Variants in MMP26 observed in about 807,000 individuals in gnomAD.
MMP26 encodes the protein matrix metallopeptidase 26, also known as matrix metalloproteinase-26.
A neutral mutation model predicts 31.0 loss-of-function variants in MMP26; 33 were observed. The observed-to-expected ratio is 1.06, with a 90% CI of 0.81 to 1.42. The LOEUF (loss-of-function observed/expected upper bound fraction) is 1.42. Among genes scored for constraint, MMP26 ranks in the 40% most tolerant of loss-of-function variants. The probability of loss-of-function intolerance (pLI) is 0.00; values close to 1 mark genes in which losing one functional copy is unlikely to be tolerated. For synonymous variants in MMP26, 122 were observed against 114.9 expected, an observed-to-expected ratio of 1.06 and a Z score of -0.40; for missense variants, 347 against 316.1, an observed-to-expected ratio of 1.10 and a Z score of -0.74.
chr11:4,835,174 C>G (rs1445061710), intron 2 of MMP26, among the ~76,000 whole-genome samples: 1 of 147,700 alleles, frequency 6.8e-6, no homozygotes, highest in Non-Finnish European at 1.5e-5. Flanking sequence ...ATCTCCCTCC[C>G]CCCTCTCTCT....
chr11:4,743,059 G>A (rs1848335298), intron 1 of MMP26, among the ~76,000 whole-genome samples: 1 of 151,992 alleles, frequency 6.6e-6, no homozygotes, highest in African/African-American at 2.4e-5. Flanking sequence ...CTATGGTGGT[G>A]AAAATTAGTG....
chr11:4,842,246 CAA>C (rs1398099741), intron 2 of MMP26, among the ~76,000 whole-genome samples: 33 of 152,186 alleles, frequency 2.2e-4, no homozygotes, highest in South Asian at 1.0e-3. Context: ...CTTGTTTAGG[CAA>C]AGAGTGTTAA....
At chr11:4,706,901 G>T (rs916701817) in intron 1 of MMP26, among the ~76,000 whole-genome samples, 5 of 152,152 alleles carry the variant, frequency 3.3e-5, no homozygotes, top group Non-Finnish European at 7.4e-5. Context: ...TGTAGCATGT[G>T]TCAGAATATT....
chr11:4,799,405 C>T (rs973796257), intron 2 of MMP26, among the ~76,000 whole-genome samples: 1 of 151,948 alleles, frequency 6.6e-6, no homozygotes, highest in East Asian at 1.9e-4. Context: ...AAGAAGCTCT[C>T]ACATGAACTA....
chr11:4,851,646 T>C (rs1849977171), intron 2 of MMP26, among the ~76,000 whole-genome samples: 1 of 151,930 alleles, frequency 6.6e-6, no homozygotes, highest in Admixed American at 6.6e-5. Flanking sequence ...TGTCTGTATA[T>C]GTATGTATAT....
chr11:4,804,066 GA>G, intron 2 of MMP26: 10 of 1,614,088 alleles, frequency 6.2e-6, no homozygotes, highest in Non-Finnish European at 5.1e-6. Context: ...CATGGATGAA[GA>G]ACACCTGGAT....
intron 2 of MMP26, among the ~76,000 whole-genome samples, chr11:4,892,392 A>G (rs1850638220): frequency 6.6e-6 from 1 of 152,142 alleles, no homozygotes; most frequent in African/African-American, 2.4e-5. Flanking sequence ...AATCACTCCA[A>G]GCAGAGTCCA....
At chr11:4,814,276 C>G (rs1455010487) in intron 2 of MMP26, among the ~76,000 whole-genome samples, 1 of 152,124 alleles carries the variant, frequency 6.6e-6, no homozygotes, top group East Asian at 1.9e-4. Flanking sequence ...GTTTATACAT[C>G]CACCAAAAAC....
At chr11:4,851,769 G>A (rs1009301240) in intron 2 of MMP26, among the ~76,000 whole-genome samples, 9 of 151,894 alleles carry the variant, frequency 5.9e-5, no homozygotes, top group Non-Finnish European at 1.2e-4. Context: ...ATATAGTAAT[G>A]TGCATATTGT....
At chr11:4,836,940 C>T (rs959850939) in intron 2 of MMP26, among the ~76,000 whole-genome samples, 2 of 151,664 alleles carry the variant, frequency 1.3e-5, no homozygotes, top group Admixed American at 6.6e-5. Context: ...CGTGAGCCAC[C>T]GCGCCTGGCC....
intron 2 of MMP26, among the ~76,000 whole-genome samples, chr11:4,816,615 C>A (rs79336464): frequency 0.12 from 14,876 of 127,140 alleles, 894 homozygotes; most frequent in Middle Eastern, 0.21. Context: ...TGGTCCAAAA[C>A]AAAAAAAAAT....
chr11:4,963,995 A>G (rs1846556369), intron 2 of MMP26, among the ~76,000 whole-genome samples: 1 of 152,014 alleles, frequency 6.6e-6, no homozygotes, highest in African/African-American at 2.4e-5. Context: ...AAGTTCCCAT[A>G]GACGCTGGAT....
Position 4,755,252 on chromosome 11 carries a change from A to G in MMP26, c.-216-12018A>G, listed in dbSNP as rs192594921. 1.9e-4 allele frequency among the ~76,000 whole-genome samples: 29 copies of G among 152,142 alleles called. 1 individual carries two copies. The East Asian group carries it at 5.6e-3, about 29-fold the overall frequency. ...AATAAAGAAAAAAGAAAAAAAACAC[A>G]AGCAGCACTGATACTAAAACTGATG... On this transcript the variant is annotated intron_variant, in intron 1 of 7. Coordinates refer to ENST00000380390, the MANE Select transcript of MMP26 (RefSeq NM_021801.5).
intron 2 of MMP26, among the ~76,000 whole-genome samples, chr11:4,910,887 C>T (rs897559152): frequency 6.6e-6 from 1 of 152,074 alleles, no homozygotes; most frequent in Non-Finnish European, 1.5e-5. Context: ...TCCCTGAGGA[C>T]AGAGTCCTAA....
chr11:4,882,802 C>A (rs746459093), intron 2 of MMP26: 47 of 1,613,730 alleles, frequency 2.9e-5, no homozygotes, highest in Middle Eastern at 3.3e-4. Flanking sequence ...CCAAGACAAT[C>A]CGCCAGGCTA....
rs938235301 is a variant in MMP26 at position 4,776,364 on chromosome 11, C to A, written c.-145+9023C>A. On this transcript the variant is annotated intron_variant, in intron 2 of 7. Coordinates refer to ENST00000380390, the MANE Select transcript of MMP26 (RefSeq NM_021801.5). ...GTTCTATGTTTAGTTCTTTAAGAAA[C>A]CTTCATACCGTTTTCCATAGAGATT... is the stretch of plus-strand genomic sequence containing the variant. 1.4e-4 allele frequency among the ~76,000 whole-genome samples: 21 copies of A among 151,878 alleles called. 1 individual carries two copies. Among genetic ancestry groups the A allele is most frequent in the African/African-American group, 4.4e-4 (18 of 41,356 alleles).
intron 2 of MMP26, among the ~76,000 whole-genome samples, chr11:4,861,502 T>G (rs4910529): frequency 0.4 from 60,500 of 151,194 alleles, 12,168 homozygotes; most frequent in African/African-American, 0.42. Context: ...TATATATATA[T>G]AGAGAGAGGG....
intron 2 of MMP26, among the ~76,000 whole-genome samples, chr11:4,858,025 GC>G (rs1183975029): frequency 3.9e-5 from 6 of 152,076 alleles, no homozygotes; most frequent in African/African-American, 7.2e-5. Context: ...AAATTCAACA[GC>G]CCTTCATGCT....
intron 2 of MMP26, among the ~76,000 whole-genome samples, chr11:4,933,672 A>G (rs1851386749): frequency 1.3e-5 from 2 of 150,496 alleles, no homozygotes; most frequent in Admixed American, 6.6e-5. Context: ...CGCTGCACCC[A>G]CTAACTCGTC....
Sources: allele counts gnomAD v4.1 joint callset (sites outside exome capture counted in the v4.1 genomes callset), GRCh38; gene constraint gnomAD v4.1.1; transcripts MANE v1.5; gene names NCBI Gene and HGNC (gene_info 2026-07-23, HGNC 2026-07-21).